Variants in GALNT14 observed in about 807,000 individuals in gnomAD.
GALNT14 encodes the protein polypeptide N-acetylgalactosaminyltransferase 14, also known as UDP-GalNAc:polypeptide N-acetylgalactosaminyltransferase 14.
Under a neutral mutation model 77.5 loss-of-function variants are expected in GALNT14, and 60 were observed. That is an observed-to-expected ratio of 0.77 (90% CI 0.63 to 0.96). The LOEUF (loss-of-function observed/expected upper bound fraction) is 0.96, where lower values mean the gene tolerates loss of function less well. GALNT14 is among the 40% of genes least tolerant of loss of function. GALNT14 has a pLI of 0.00. For synonymous variants in GALNT14, 280 were observed against 281.7 expected (o/e 0.99, Z 0.06); for missense variants, 710 against 731.0 (o/e 0.97, Z 0.33).
chr2:31,008,746 C>A (rs1447953051), intron 1 of GALNT14, among the ~76,000 whole-genome samples: 1 of 152,218 alleles, frequency 6.6e-6, no homozygotes, highest in African/African-American at 2.4e-5. Flanking sequence ...TGTTAATGCT[C>A]TGTTTATACG....
At position 30,910,776 on chromosome 2, in the gene GALNT14, C is replaced by T. The variant is rs1428486491; in HGVS notation, c.*125G>A. The T allele has an allele frequency of 2.0e-6, 2 of 1,008,506 alleles. No individual in the cohort carries two copies. The highest frequency in any genetic ancestry group is 3.2e-5 in the African/African-American group (2 of 61,646). The allele number at this position is 1,008,506 out of a possible 1,614,324, so 62.5% of individuals were successfully genotyped here. A position where few individuals can be genotyped will look rare whatever the true frequency, so the allele number is the denominator to read the frequency against. On this transcript the variant is annotated 3_prime_UTR_variant, in exon 15 of 15. Coordinates refer to ENST00000349752, the MANE Select transcript of GALNT14 (RefSeq NM_024572.4). ...AGACAGTTGCTCCTGTCCTGGGGGGCTCTGCCTCCACCTCCCAGTCCAGGA... is the reference window on the plus strand; with the variant it reads ...AGACAGTTGCTCCTGTCCTGGGGGGTTCTGCCTCCACCTCCCAGTCCAGGA...
chr2:31,086,874 T>G lies in GALNT14; in HGVS notation c.129+51084A>C, dbSNP rs536728389. The stretch of plus-strand genomic sequence containing the variant: ...TCCAAGGGTCTTTCAAGGTCATAAA[T>G]TCTACAAAGACTTACCAAGCACCTG... On this transcript the variant is annotated intron_variant, in intron 1 of 14. Coordinates refer to ENST00000349752, the MANE Select transcript of GALNT14 (RefSeq NM_024572.4). 1.4e-4 allele frequency among the ~76,000 whole-genome samples: 21 copies of G among 152,256 alleles called. No individual in the cohort carries two copies. The South Asian group carries it at 1.7e-3, about 12-fold the overall frequency.
At chr2:31,097,718 T>C (rs1472356354) in intron 1 of GALNT14, among the ~76,000 whole-genome samples, 1 of 152,144 alleles carries the variant, frequency 6.6e-6, no homozygotes, top group Admixed American at 6.6e-5. Context: ...CTTCCTGTAT[T>C]GGATTCCTAA....
chr2:31,069,981 T>C (rs1039864544), intron 1 of GALNT14, among the ~76,000 whole-genome samples: 4 of 151,972 alleles, frequency 2.6e-5, no homozygotes, highest in Non-Finnish European at 5.9e-5. Flanking sequence ...AGGAGGAGGA[T>C]GGCTTAATCA....
chr2:31,091,640 G>GA (rs1676746727), intron 1 of GALNT14, among the ~76,000 whole-genome samples: 3 of 152,206 alleles, frequency 2.0e-5, no homozygotes, highest in Admixed American at 6.5e-5. Flanking sequence ...TCTGGAACCT[G>GA]AAAAGTCCTA....
At chr2:30,903,869 A>C in the GALNT14 span, among the ~76,000 whole-genome samples, 1 of 152,200 alleles carries the variant, frequency 6.6e-6, no homozygotes, top group Admixed American at 6.5e-5. Context: ...ATATTTTGGG[A>C]ACTTCATATG....
Position 31,075,596 on chromosome 2 carries a change from C to T in GALNT14, c.129+62362G>A, listed in dbSNP as rs576727619. 9.2e-5 allele frequency among the ~76,000 whole-genome samples: 14 copies of T among 152,338 alleles called. No individual in the cohort carries two copies. In the South Asian group the frequency reaches 1.2e-3, roughly 14 times the overall value. ...AGCAGGAAGAGGCTCAGCTGGCCTA[C>T]GCCCAGCTCTGAGAGTGACAGCGTG... On this transcript the variant is annotated intron_variant, in intron 1 of 14. Transcript: ENST00000349752.
At chr2:31,097,310 A>G (rs1677050210) in intron 1 of GALNT14, among the ~76,000 whole-genome samples, 1 of 152,124 alleles carries the variant, frequency 6.6e-6, no homozygotes, top group Non-Finnish European at 1.5e-5. Context: ...CCTAGCATCC[A>G]TTGCTACATT....
chr2:30,945,060 C>T (rs921762304), intron 7 of GALNT14, 118 bp from the exon 8 acceptor site: 5 of 798,166 alleles, frequency 6.3e-6, no homozygotes, highest in Admixed American at 5.8e-5. Context: ...TCAAAGAGGC[C>T]GGTCCCTGGG....
intron 9 of GALNT14, among the ~76,000 whole-genome samples, chr2:30,939,235 G>C (rs1666234485): frequency 6.6e-6 from 1 of 152,188 alleles, no homozygotes; most frequent in Admixed American, 6.5e-5. Flanking sequence ...AAGAGAACCT[G>C]GTGCTGAAGG....
chr2:31,090,225 T>C (rs1676660013), intron 1 of GALNT14, among the ~76,000 whole-genome samples: 1 of 152,120 alleles, frequency 6.6e-6, no homozygotes, highest in South Asian at 2.1e-4. Flanking sequence ...GGCCCCCTCT[T>C]CTGAGATCCC....
At chr2:30,904,944 G>C in the GALNT14 span, among the ~76,000 whole-genome samples, 1 of 151,880 alleles carries the variant, frequency 6.6e-6, no homozygotes, top group Non-Finnish European at 1.5e-5. Context: ...CCCCCCAGCA[G>C]GGGCACACTG....
rs751961724 is a variant in GALNT14, at chr2:30,955,896, A to C, written c.532+16T>G. The stretch of plus-strand genomic sequence containing the variant: ...ACACTCACACTGGAGGCTCCCGCAC[A>C]ACAGCTCAGACCTACCTTGCCGTTC... On this transcript the variant is annotated intron_variant, in intron 5 of 14. Coordinates refer to ENST00000349752, the MANE Select transcript of GALNT14 (RefSeq NM_024572.4). 5 of 1,613,586 alleles carry C rather than the reference A, an allele frequency of 3.1e-6. No individual in the cohort carries two copies. In the Admixed American group the frequency reaches 8.3e-5, roughly 27 times the overall value.
At chr2:30,977,090 G>GTTTTTTTTTTTTT in intron 2 of GALNT14, among the ~76,000 whole-genome samples, 3 of 131,072 alleles carry the variant, frequency 2.3e-5, no homozygotes, top group African/African-American at 1.1e-4. Context: ...TGGCTTTTCT[G>GTTTTTTTTTTTTT]TCTTTTTTTT....
chr2:31,090,866 C>T (rs1302896433), intron 1 of GALNT14, among the ~76,000 whole-genome samples: 1 of 123,436 alleles, frequency 8.1e-6, no homozygotes, highest in Non-Finnish European at 1.8e-5. Context: ...ACTTCACTGG[C>T]ACTGTGAGAA....
At chr2:30,898,473 TTCAA>T in the GALNT14 span, among the ~76,000 whole-genome samples, 2 of 152,312 alleles carry the variant, frequency 1.3e-5, no homozygotes, top group Admixed American at 1.3e-4. Context: ...CATGAATCAT[TTCAA>T]TCAATCTCAC....
At chr2:30,904,363 C>A in the GALNT14 span, among the ~76,000 whole-genome samples, 8 of 152,288 alleles carry the variant, frequency 5.3e-5, no homozygotes, top group East Asian at 1.5e-3. Flanking sequence ...GCACTGTGTG[C>A]GAGCCGAAGC....
At chr2:31,053,290 C>T (rs1674005588) in intron 1 of GALNT14, among the ~76,000 whole-genome samples, 1 of 152,136 alleles carries the variant, frequency 6.6e-6, no homozygotes, top group Non-Finnish European at 1.5e-5. Flanking sequence ...CTCCGGGGGG[C>T]AGTCAGTCAC....
chr2:31,024,919 T>C (rs1671947200), intron 1 of GALNT14, among the ~76,000 whole-genome samples: 1 of 152,128 alleles, frequency 6.6e-6, no homozygotes, highest in Admixed American at 6.6e-5. Context: ...TGGGATGGCA[T>C]AGAGGGAGGC....
Sources: gnomAD v4.1 joint callset for allele counts (sites outside exome capture counted in the v4.1 genomes callset) on GRCh38, gnomAD v4.1.1 for gene constraint, MANE v1.5 for transcripts, NCBI Gene and HGNC (gene_info 2026-07-23, HGNC 2026-07-21) for gene names.